Variants in SYNE2 observed in about 807,000 individuals in gnomAD.
The protein encoded by SYNE2 is spectrin repeat containing nuclear envelope protein 2, also known as nesprin-2.
Under a neutral mutation model 856.3 loss-of-function variants are expected in SYNE2, and 431 were observed. The observed-to-expected ratio is 0.50, with a 90% CI of 0.47 to 0.55. SYNE2 has a LOEUF of 0.55. Ranked by LOEUF, SYNE2 falls within the 20% of genes least tolerant of loss-of-function variation. SYNE2 has a pLI of 0.00. For missense variants in SYNE2, 8,129 were observed against 8,023.2 expected (o/e 1.01, Z -0.50); for synonymous variants, 2,923 against 2,872.3 (o/e 1.02, Z -0.56).
At chr14:64,155,853 A>C (rs2098281465) in intron 85 of SYNE2, among the ~76,000 whole-genome samples, 1 of 152,154 alleles carries the variant, frequency 6.6e-6, no homozygotes, top group African/African-American at 2.4e-5. Flanking sequence ...ACTTGAGCCC[A>C]GGGGTAAACA....
rs189350606 is a variant in SYNE2, at chr14:63,926,457, G to A, written c.80-14157G>A. On this transcript the variant is annotated intron_variant, in intron 2 of 115. Transcript: ENST00000555002. ...AACTTTTTCTGTAAAGGGCCAGGTA[G>A]TAAATATTTCAGTCTGTGAATGCCA... Among the ~76,000 whole-genome samples the A allele has an allele frequency of 2.0e-4, 31 of 152,310 alleles. No homozygotes were observed. The East Asian group carries it at 5.0e-3, about 25-fold the overall frequency.
Position 64,129,868 on chromosome 14 carries a change from T to C in SYNE2, c.14106T>C (p.Pro4702=). ...ATGAAGGGGAGAGGCTTCATTTACC[T>C]TATGCTTTACTCCAGGAGGTTTACA... ...LRDEGERLHL[P]YALLQEVYKL... The change falls in exon 75 of 116, where the codon CCT becomes CCC. Residue 4702 remains proline (P), a synonymous_variant. Coordinates refer to ENST00000555002, the MANE Select transcript of SYNE2 (RefSeq NM_182914.3). 1 of 1,614,162 alleles carries C rather than the reference T, an allele frequency of 6.2e-7. No individual in the cohort carries two copies. The highest frequency in any genetic ancestry group is 8.5e-7 in the Non-Finnish European group (1 of 1,180,020).
rs775277130 is a variant in SYNE2 at position 63,909,224 on chromosome 14, C to G, written c.76C>G (p.Gln26Glu). Residue 26 changes from glutamine (Q) to glutamate (E), a missense_variant, in exon 2 of 116, where the codon CAA becomes GAA. Around this residue, in one of 3 missense-constraint regions of SYNE2, gnomAD observed 2,422 missense variants for 2,357.4 expected, o/e 1.03. Coordinates refer to ENST00000555002, the MANE Select transcript of SYNE2 (RefSeq NM_182914.3). The part of the protein sequence containing the change: ...WGIDDLHISL[Q>E]AEQEDTQKKA... ...CATCGACGATCTCCATATTTCATTG[C>G]AAGGTAATTAAGATTGGGTGGGGGT... 6.2e-7 allele frequency: 1 copy of G among 1,610,052 alleles called. No individual in the cohort carries two copies. Among genetic ancestry groups the G allele is most frequent in the South Asian group, 1.1e-5 (1 of 90,898 alleles).
intron 1 of SYNE2, among the ~76,000 whole-genome samples, chr14:63,826,694 T>G: frequency 6.6e-6 from 1 of 152,012 alleles, no homozygotes; most frequent in East Asian, 1.9e-4. Flanking sequence ...CTCACACCAC[T>G]TACAAAAATT....
chr14:64,082,942 C>T (rs983006262), intron 57 of SYNE2, among the ~76,000 whole-genome samples: 5 of 152,154 alleles, frequency 3.3e-5, no homozygotes, highest in African/African-American at 4.8e-5. Flanking sequence ...AAACATCTTC[C>T]GGATGCTGAG....
At chr14:64,215,216 C>A in intron 106 of SYNE2, 70 bp from the exon 107 acceptor site, 1 of 1,305,314 alleles carries the variant, frequency 7.7e-7, no homozygotes, top group Non-Finnish European at 1.1e-6. Flanking sequence ...AATGTTTCTA[C>A]TGTGTGTTAA....
chr14:63,994,200 T>G (rs941937986), intron 22 of SYNE2, among the ~76,000 whole-genome samples: 6 of 152,170 alleles, frequency 3.9e-5, no homozygotes, highest in Admixed American at 6.5e-5. Context: ...GGTACTTAAC[T>G]TTTAGGAGCC....
chr14:64,091,911 G>A (rs1457413387), intron 60 of SYNE2, among the ~76,000 whole-genome samples: 1 of 151,978 alleles, frequency 6.6e-6, no homozygotes, highest in Non-Finnish European at 1.5e-5. Context: ...ATGACTATAT[G>A]TTTTTCCCTC....
chr14:63,987,765 A>C (rs2096637190), intron 19 of SYNE2, among the ~76,000 whole-genome samples: 1 of 146,932 alleles, frequency 6.8e-6, no homozygotes, highest in South Asian at 2.1e-4. Flanking sequence ...AATATTTAAA[A>C]ATTTTTTAAA....
chr14:64,041,077 A>C (rs1038424138), intron 45 of SYNE2, among the ~76,000 whole-genome samples: 9 of 152,172 alleles, frequency 5.9e-5, no homozygotes, highest in African/African-American at 2.2e-4. Flanking sequence ...TGTCAACCTA[A>C]GAGAAAATAG....
At chr14:63,917,330 A>G (rs2095544820) in intron 2 of SYNE2, among the ~76,000 whole-genome samples, 1 of 152,246 alleles carries the variant, frequency 6.6e-6, no homozygotes, top group African/African-American at 2.4e-5. Context: ...CAATCAAGCT[A>G]TAGTCCCTCA....
intron 1 of SYNE2, among the ~76,000 whole-genome samples, chr14:63,842,166 G>A (rs1157560644): frequency 1.3e-5 from 2 of 150,492 alleles, no homozygotes; most frequent in Non-Finnish European, 3.0e-5. Context: ...CTTTTTGTTT[G>A]TTTGTTTGTT....
Position 64,165,576 on chromosome 14 carries a change from G to A in SYNE2, c.16605+166G>A, listed in dbSNP as rs372027472. Among the ~76,000 whole-genome samples the A allele has an allele frequency of 1.9e-4, 28 of 151,170 alleles. No homozygotes were observed. The East Asian group carries it at 2.3e-3, about 13-fold the overall frequency. On this transcript the variant is annotated intron_variant, in intron 90 of 115. Transcript: ENST00000555002. ...CACCCAGGCTGGAGTGCAGTGGCACGATCTCGGCTCACTGCAACCTCCACC... is the reference window on the plus strand; with the variant it reads ...CACCCAGGCTGGAGTGCAGTGGCACAATCTCGGCTCACTGCAACCTCCACC...
intron 1 of SYNE2, among the ~76,000 whole-genome samples, chr14:63,887,963 G>A (rs909184622): frequency 6.6e-6 from 1 of 152,044 alleles, no homozygotes. Flanking sequence ...ATGTTGGCCA[G>A]GCTTGTCTTG....
At chr14:64,188,240 C>T (rs1283828989) in intron 97 of SYNE2, among the ~76,000 whole-genome samples, 1 of 152,204 alleles carries the variant, frequency 6.6e-6, no homozygotes, top group Non-Finnish European at 1.5e-5. Flanking sequence ...GTTATATCTT[C>T]ATCTAGCCTT....
At chr14:63,790,238 G>T (rs1218228615) in intron 1 of SYNE2, among the ~76,000 whole-genome samples, 1 of 151,988 alleles carries the variant, frequency 6.6e-6, no homozygotes, top group Non-Finnish European at 1.5e-5. Context: ...AGGTTCAGGT[G>T]GGGGGATCAC....
intron 1 of SYNE2, among the ~76,000 whole-genome samples, chr14:63,879,436 G>A (rs2094807480): frequency 6.6e-6 from 1 of 152,176 alleles, no homozygotes; most frequent in African/African-American, 2.4e-5. Context: ...GAAGCAGTCG[G>A]AGCCCACAAA....
At chr14:64,120,609 C>CA (rs2097890977) in intron 67 of SYNE2, among the ~76,000 whole-genome samples, 1 of 151,836 alleles carries the variant, frequency 6.6e-6, no homozygotes, top group African/African-American at 2.4e-5. Context: ...ACTAAAAATA[C>CA]AAAAATTAGC....
Position 64,220,518 on chromosome 14 carries a change from A to C in SYNE2, c.19942A>C (p.Ser6648Arg). 1.2e-6 allele frequency: 2 copies of C among 1,614,114 alleles called. No homozygotes were observed. The highest frequency in any genetic ancestry group is 1.7e-6 in the Non-Finnish European group (2 of 1,180,022). ...CAGCAAGGAATTTCTGCAAACCGAG[A>C]GCCCCGAATCCACAGAGCTCCAAAG... ...VSSKEFLQTE[S>R]PESTELQSRL... is the part of the protein sequence containing the mutation. Residue 6648 changes from serine (S) to arginine (R), a missense_variant, in exon 111 of 116, where the codon AGC (serine) becomes CGC (arginine). Physicochemically the swap from Ser to Arg is moderately radical, Grantham distance 110. Transcript: ENST00000555002.
Sources: allele counts gnomAD v4.1 joint callset (sites outside exome capture counted in the v4.1 genomes callset), GRCh38; gene constraint gnomAD v4.1.1; regional missense constraint gnomAD v4.1.1; transcripts MANE v1.5; gene names NCBI Gene and HGNC (gene_info 2026-07-23, HGNC 2026-07-21).